The following IL10RB variants were observed in gnomAD, a reference collection of about 807,000 sequenced individuals.
IL10RB encodes interleukin 10 receptor subunit beta, also known as interleukin-10 receptor subunit beta.
IL10RB carries 30 observed loss-of-function variants against 38.7 expected under a neutral mutation model. That is an observed-to-expected ratio of 0.78 (90% CI 0.58 to 1.05). The LOEUF (loss-of-function observed/expected upper bound fraction) is 1.05, where lower values mean the gene tolerates loss of function less well. Among genes scored for constraint, IL10RB ranks in the 50% least tolerant of loss-of-function variants. IL10RB has a pLI of 0.00. For synonymous variants in IL10RB, 142 were observed against 145.9 expected, an observed-to-expected ratio of 0.97 and a Z score of 0.19; for missense variants, 328 against 397.1, an observed-to-expected ratio of 0.83 and a Z score of 1.48.
intron 1 of IL10RB, chr21:33,308,649 G>C (rs531006852): frequency 4.6e-5 from 7 of 152,238 alleles, no homozygotes; most frequent in Non-Finnish European, 1.0e-4. Context: ...AAAGAATAGG[G>C]ACTGTAGGAA....
rs34889428 is a variant in IL10RB, at chr21:33,294,390, CGT to C, written c.805-1777_805-1776del. The stretch of plus-strand genomic sequence containing the variant: ...CAGTTTGTGTGTGTGTGTGTGTGTG[CGT>C]GTGTGTGTGTGTGTGTCCAACCGGG... On this transcript the variant is annotated intron_variant, in intron 6 of 6. Coordinates refer to ENST00000290200, the MANE Select transcript of IL10RB (RefSeq NM_000628.5). 6.3e-3 allele frequency among the ~76,000 whole-genome samples: 942 copies of C among 148,858 alleles called. 4 individuals carry two copies. The highest frequency in any genetic ancestry group is 1.0e-2 in the Non-Finnish European group (669 of 67,006).
chr21:33,293,853 T>C (rs895118706), intron 6 of IL10RB, among the ~76,000 whole-genome samples: 3 of 149,756 alleles, frequency 2.0e-5, no homozygotes, highest in African/African-American at 7.4e-5. Flanking sequence ...CAGCATGAAC[T>C]AAGAATCCTC....
downstream of IL10RB, among the ~76,000 whole-genome samples, chr21:33,300,050 G>A (rs1371288165): frequency 6.6e-6 from 1 of 152,056 alleles, no homozygotes; most frequent in Non-Finnish European, 1.5e-5. Flanking sequence ...CTGACCACCT[G>A]GGAAGCAATT....
intron 2 of IL10RB, among the ~76,000 whole-genome samples, chr21:33,274,181 TA>T (rs1315092126): frequency 1.3e-5 from 2 of 152,192 alleles, no homozygotes; most frequent in African/African-American, 4.8e-5. Context: ...TATTTTATTT[TA>T]TTTCATTTTA....
intron 2 of IL10RB, among the ~76,000 whole-genome samples, chr21:33,268,736 G>A (rs756952468): frequency 9.9e-5 from 15 of 152,170 alleles, no homozygotes; most frequent in Non-Finnish European, 1.8e-4. Flanking sequence ...CGATTTGACT[G>A]TTAATCACAG....
At chr21:33,283,278 A>G in intron 5 of IL10RB, 37 bp downstream of exon 5, 1 of 1,606,728 alleles carries the variant, frequency 6.2e-7, no homozygotes. Flanking sequence ...AGCATCCTAA[A>G]CAGCTTTATA....
At chr21:33,276,245 C>T (rs1170186961) in intron 2 of IL10RB, among the ~76,000 whole-genome samples, 4 of 152,042 alleles carry the variant, frequency 2.6e-5, no homozygotes, top group Non-Finnish European at 4.4e-5. Context: ...TGTCATCTAC[C>T]GAAATGTCAT....
chr21:33,270,253 G>A (rs1989050804), intron 2 of IL10RB, among the ~76,000 whole-genome samples: 1 of 152,144 alleles, frequency 6.6e-6, no homozygotes, highest in Non-Finnish European at 1.5e-5. Context: ...TTTGCTTTCT[G>A]TGCTGTCTCT....
chr21:33,294,405 G>A (rs1989551652), intron 6 of IL10RB, among the ~76,000 whole-genome samples: 1 of 151,870 alleles, frequency 6.6e-6, no homozygotes, highest in Non-Finnish European at 1.5e-5. Context: ...GTGTGTGTGT[G>A]TGTCCAACCG....
chr21:33,283,271 A>G (rs772649249), intron 5 of IL10RB, 30 bp downstream of exon 5: 1 of 1,610,454 alleles, frequency 6.2e-7, no homozygotes, highest in South Asian at 1.1e-5. Flanking sequence ...TCCGCTAAGC[A>G]TCCTAAACAG....
rs535096772 is a variant in IL10RB at position 33,291,626 on chromosome 21, A to G, written c.804+3365A>G. On this transcript the variant is annotated intron_variant, in intron 6 of 6. Transcript: ENST00000290200. ...CTAACAGGATCCTCTACCAGGAGAG[A>G]AAACACCTGTGAAACCTTGGGAATC... Among the ~76,000 whole-genome samples, 84 of 152,292 alleles carry G rather than the reference A, an allele frequency of 5.5e-4. 1 individual carries two copies. The Middle Eastern group carries it at 0.017, about 31-fold the overall frequency.
Position 33,296,671 on chromosome 21 carries a change from G to A in IL10RB, c.*314G>A, listed in dbSNP as rs8178562. On this transcript the variant is annotated 3_prime_UTR_variant, in exon 7 of 7. Transcript: ENST00000290200. ...TGTTTTAATTGTGAGAAACAGGGCC[G>A]AGCACAGTGGCTCACGCCTGTAATA... 0.19 allele frequency: 85,976 copies of A among 455,400 alleles called. 9,468 individuals carry two copies. Among genetic ancestry groups the A allele is most frequent in the East Asian group, 0.38 (6,687 of 17,676 alleles). The allele number at this position is 455,400 out of a possible 1,614,324, so 28.2% of individuals were successfully genotyped here. A position where few individuals can be genotyped will look rare whatever the true frequency, so the allele number is the denominator to read the frequency against.
In IL10RB at chr21:33,279,797, CT is replaced by C; in HGVS notation, c.380del (p.Leu127TyrfsTer6). 6.2e-7 allele frequency: 1 copy of C among 1,613,824 alleles called. No homozygotes were observed. Among genetic ancestry groups the C allele is most frequent in the Non-Finnish European group, 8.5e-7 (1 of 1,179,734 alleles). On this transcript the variant is annotated frameshift_variant, in exon 4 of 7. Transcript: ENST00000290200. LOFTEE classifies it high-confidence loss of function. ...PGMQVEVLADSLHMRFLAPKI... is the reference protein window; with the variant it reads ...PGMQVEVLADXLHMRFLAPKI... Reference sequence around the variant, plus strand: ...ATGCAAGTAGAAGTACTTGCTGATTCTTTACATATGCGTTTCTTAGCCCCTA... The same window carrying C: ...ATGCAAGTAGAAGTACTTGCTGATTCTTACATATGCGTTTCTTAGCCCCTA...
intron 1 of IL10RB, among the ~76,000 whole-genome samples, chr21:33,303,373 G>A (rs74722277): frequency 2.1e-5 from 1 of 48,702 alleles, no homozygotes; most frequent in Admixed American, 2.4e-4. Context: ...TTTTTTTTTT[G>A]AGACAGAGTC....
chr21:33,270,506 G>A lies in IL10RB; in HGVS notation c.173+1989G>A, dbSNP rs555730550. 6.6e-5 allele frequency among the ~76,000 whole-genome samples: 10 copies of A among 151,308 alleles called. No homozygotes were observed. The South Asian group carries it at 8.4e-4, about 13-fold the overall frequency. On this transcript the variant is annotated intron_variant, in intron 2 of 6. Transcript: ENST00000290200. ...CGCCATTCTCCTGCCTCAGCCTCCC[G>A]AGTAGCTGGGACTACAGGCGCCCGC...
intron 6 of IL10RB, 120 bp downstream of exon 6, chr21:33,288,381 G>GCACACA (rs59480844): frequency 2.6e-5 from 14 of 548,666 alleles, no homozygotes; most frequent in South Asian, 6.5e-5. Context: ...ACGCGCGCGC[G>GCACACA]CACACACACA....
rs773927781 is a variant in IL10RB, at chr21:33,296,526, T to C, written c.*169T>C. On this transcript the variant is annotated 3_prime_UTR_variant, in exon 7 of 7. Coordinates refer to ENST00000290200, the MANE Select transcript of IL10RB (RefSeq NM_000628.5). Reference sequence around the variant, plus strand: ...CACCAGAGAGCTACATTTTAAAGGCTGTCTTGGCAAAAATACTCCATTTGG... The same window carrying C: ...CACCAGAGAGCTACATTTTAAAGGCCGTCTTGGCAAAAATACTCCATTTGG... 5.5e-6 allele frequency: 4 copies of C among 732,146 alleles called. No homozygotes were observed. The highest frequency in any genetic ancestry group is 1.5e-5 in the South Asian group (1 of 67,674). The allele number at this position is 732,146 out of a possible 1,614,324, so 45.4% of individuals were successfully genotyped here. A position where few individuals can be genotyped will look rare whatever the true frequency, so the allele number is the denominator to read the frequency against.
chr21:33,275,728 G>A (rs1989158659), intron 2 of IL10RB, among the ~76,000 whole-genome samples: 1 of 152,234 alleles, frequency 6.6e-6, no homozygotes, highest in South Asian at 2.1e-4. Flanking sequence ...GGCCTGTTGT[G>A]GCCTGCAATA....
At chr21:33,268,906 G>A (rs1319125876) in intron 2 of IL10RB, among the ~76,000 whole-genome samples, 1 of 152,098 alleles carries the variant, frequency 6.6e-6, no homozygotes, top group Non-Finnish European at 1.5e-5. Context: ...AGTATTGCTG[G>A]AAGTCAGCAA....
Sources: allele counts gnomAD v4.1 joint callset (sites outside exome capture counted in the v4.1 genomes callset), GRCh38; gene constraint gnomAD v4.1.1; transcripts MANE v1.5; gene names NCBI Gene and HGNC (gene_info 2026-07-23, HGNC 2026-07-21).